The following KLHL29 variants were observed in gnomAD, a reference collection of about 807,000 sequenced individuals.
KLHL29 encodes the protein kelch like family member 29, also known as kelch-like protein 29.
In KLHL29, 21 loss-of-function variants were observed where a neutral mutation model predicts 80.4. The observed-to-expected ratio is 0.26, with a 90% confidence interval of 0.19 to 0.38. The LOEUF (loss-of-function observed/expected upper bound fraction) is 0.38, where lower values mean the gene tolerates loss of function less well. Ranked by LOEUF, KLHL29 falls within the 10% of genes least tolerant of loss-of-function variation. KLHL29 has a pLI of 1.00. For missense variants in KLHL29, 867 were observed against 1,223.9 expected (o/e 0.71, Z 4.35); for synonymous variants, 511 against 526.8 (o/e 0.97, Z 0.41).
At chr2:23,468,061 C>T (rs1206723620) in intron 1 of KLHL29, among the ~76,000 whole-genome samples, 1 of 152,048 alleles carries the variant, frequency 6.6e-6, no homozygotes, top group Non-Finnish European at 1.5e-5. Context: ...GTGTATGTGC[C>T]ATAGACTATG....
At chr2:23,622,752 T>G (rs1669215552) in intron 3 of KLHL29, among the ~76,000 whole-genome samples, 1 of 152,232 alleles carries the variant, frequency 6.6e-6, no homozygotes, top group South Asian at 2.1e-4. Flanking sequence ...TCTGCATGGG[T>G]AATAACACAG....
intron 2 of KLHL29, among the ~76,000 whole-genome samples, chr2:23,547,637 A>G (rs1667010936): frequency 6.6e-6 from 1 of 152,046 alleles, no homozygotes; most frequent in African/African-American, 2.4e-5. Context: ...ACTTCTACCG[A>G]TAGACATCGT....
intron 1 of KLHL29, among the ~76,000 whole-genome samples, chr2:23,390,122 A>G (rs1245365634): frequency 1.3e-5 from 2 of 152,228 alleles, no homozygotes; most frequent in Admixed American, 6.5e-5. Flanking sequence ...CAAGGAAACC[A>G]CTTGAAAACA....
At chr2:23,675,952 T>G (rs1382085488) in intron 5 of KLHL29, among the ~76,000 whole-genome samples, 1 of 152,044 alleles carries the variant, frequency 6.6e-6, no homozygotes, top group Non-Finnish European at 1.5e-5. Flanking sequence ...TGAATTCCAA[T>G]CAGAAGGGAA....
intron 1 of KLHL29, among the ~76,000 whole-genome samples, chr2:23,439,542 T>G (rs1199949495): frequency 6.6e-6 from 1 of 151,964 alleles, no homozygotes; most frequent in Non-Finnish European, 1.5e-5. Context: ...AAGAACATCT[T>G]TATTTCTGCC....
chr2:23,477,399 A>G (rs189446141), intron 2 of KLHL29, among the ~76,000 whole-genome samples: 1 of 152,250 alleles, frequency 6.6e-6, no homozygotes, highest in Non-Finnish European at 1.5e-5. Flanking sequence ...AGGAGAAAAT[A>G]TGGCTTTGGA....
chr2:23,695,805 G>C lies in KLHL29; in HGVS notation c.1725G>C (p.Arg575=), dbSNP rs1415792271. 1 of 1,549,390 alleles carries C rather than the reference G, an allele frequency of 6.5e-7. No individual in the cohort carries two copies. The highest frequency in any genetic ancestry group is 1.4e-5 in the African/African-American group (1 of 73,012). The change falls in exon 9 of 14, where the codon CGG becomes CGC. Residue 575 remains arginine (R), a synonymous_variant. Transcript: ENST00000486442. The surrounding 1 kb of genome is among the most constrained non-coding windows in gnomAD (Gnocchi z 7.6). ...AGGAGATGCAGACGCCCCGAACCCG[G>C]CCGCGCCTCTCTGCAGGTATGAAGG... ...ARQEMQTPRT[R]PRLSAGVAEV... is the part of the protein sequence containing the mutation.
At chr2:23,621,544 GA>G (rs1156824332) in intron 3 of KLHL29, among the ~76,000 whole-genome samples, 1 of 150,670 alleles carries the variant, frequency 6.6e-6, no homozygotes, top group East Asian at 2.0e-4. Context: ...AGGAGGAGGA[GA>G]TGAGGGGGAG....
chr2:23,685,722 C>G (rs914430213), intron 6 of KLHL29, among the ~76,000 whole-genome samples: 3 of 152,228 alleles, frequency 2.0e-5, no homozygotes, highest in African/African-American at 7.2e-5. Flanking sequence ...TGGGCTCTCT[C>G]TGTCCAAGCA....
At chr2:23,678,198 C>T (rs1435831630) in intron 5 of KLHL29, among the ~76,000 whole-genome samples, 1 of 152,226 alleles carries the variant, frequency 6.6e-6, no homozygotes, top group Non-Finnish European at 1.5e-5. Context: ...TGGCTTCACT[C>T]TCCTCTAGGC....
At chr2:23,544,856 C>T (rs72793564) in intron 2 of KLHL29, among the ~76,000 whole-genome samples, 44,446 of 152,004 alleles carry the variant, frequency 0.29, 7,861 homozygotes, top group Non-Finnish European at 0.39. Flanking sequence ...CAGGGGGAGA[C>T]CAAACAAGAG....
intron 5 of KLHL29, among the ~76,000 whole-genome samples, chr2:23,679,773 C>T (rs1671024435): frequency 6.6e-6 from 1 of 152,120 alleles, no homozygotes; most frequent in Non-Finnish European, 1.5e-5. Flanking sequence ...CGGAGGAGGG[C>T]AGAGGGCAGA....
intron 5 of KLHL29, among the ~76,000 whole-genome samples, chr2:23,654,708 G>GGGGGGGGGGGGGT (rs1670192200): frequency 1.3e-5 from 1 of 79,626 alleles, no homozygotes; most frequent in Non-Finnish European, 3.0e-5. Flanking sequence ...GGGGGGGGGG[G>GGGGGGGGGGGGGT]TGGATGTTTT....
chr2:23,456,833 C>G (rs1342011033), intron 1 of KLHL29, among the ~76,000 whole-genome samples: 1 of 152,216 alleles, frequency 6.6e-6, no homozygotes, highest in Non-Finnish European at 1.5e-5. Flanking sequence ...GGTCCAGTCA[C>G]CCAGGGCTGG....
rs867459705 is a variant in KLHL29, at chr2:23,503,629, G to T, written c.-46+27962G>T. ...CAGAACAGAGGCACCATGGCCAGGAGGCCCTTCCTTTGTTGGGTAGGAGCT... is the reference window on the plus strand; with the variant it reads ...CAGAACAGAGGCACCATGGCCAGGATGCCCTTCCTTTGTTGGGTAGGAGCT... On this transcript the variant is annotated intron_variant, in intron 2 of 13. Coordinates refer to ENST00000486442, the MANE Select transcript of KLHL29 (RefSeq NM_052920.2). This position sits in a 1 kb window ranked among gnomAD's most constrained non-coding sequence, Gnocchi z 4.0. 1.4e-3 allele frequency among the ~76,000 whole-genome samples: 211 copies of T among 151,258 alleles called. No individual in the cohort carries two copies. The highest frequency in any genetic ancestry group is 4.8e-3 in the African/African-American group (199 of 41,164).
In KLHL29 at chr2:23,386,160, C is replaced by A. The variant is rs184528274; in HGVS notation, c.-154+380C>A. On this transcript the variant is annotated intron_variant, in intron 1 of 13. Transcript: ENST00000486442. ...CGCGCCCCTCTCCAGGCCACGTTCC[C>A]CTGAGCGGCCCAGGGCCCCGGCCGG... Among the ~76,000 whole-genome samples the A allele has an allele frequency of 2.1e-3, 312 of 152,088 alleles. 4 individuals are homozygous for A. The highest frequency in any genetic ancestry group is 6.8e-3 in the African/African-American group (284 of 41,514).
At chr2:23,546,829 G>C (rs1392442648) in intron 2 of KLHL29, among the ~76,000 whole-genome samples, 2 of 152,198 alleles carry the variant, frequency 1.3e-5, no homozygotes, top group African/African-American at 2.4e-5. Context: ...GATGCAAAAG[G>C]CTCCCGGGGA....
chr2:23,396,912 A>G (rs1666466526), intron 1 of KLHL29, among the ~76,000 whole-genome samples: 1 of 152,084 alleles, frequency 6.6e-6, no homozygotes, highest in Non-Finnish European at 1.5e-5. Context: ...GAGAAAAATG[A>G]TTTTCATGGA....
chr2:23,402,087 A>G (rs1467985233), intron 1 of KLHL29, among the ~76,000 whole-genome samples: 1 of 152,200 alleles, frequency 6.6e-6, no homozygotes, highest in Non-Finnish European at 1.5e-5. Flanking sequence ...GAGGCTTGCC[A>G]GTCAGGGGCA....
Sources: allele counts gnomAD v4.1 joint callset (sites outside exome capture counted in the v4.1 genomes callset), GRCh38; gene constraint gnomAD v4.1.1; non-coding constraint Gnocchi (gnomAD v3.1); transcripts MANE v1.5; gene names NCBI Gene and HGNC (gene_info 2026-07-23, HGNC 2026-07-21).